PPAT: variants seen among roughly 807,000 people sequenced by gnomAD.
PPAT encodes phosphoribosyl pyrophosphate amidotransferase.
Under a neutral mutation model 60.2 loss-of-function variants are expected in PPAT, and 20 were observed. That is an observed-to-expected ratio of 0.33 (90% confidence interval 0.23 to 0.48). The LOEUF (loss-of-function observed/expected upper bound fraction) is 0.48, where lower values mean the gene tolerates loss of function less well. Among genes scored for constraint, PPAT ranks in the 20% least tolerant of loss-of-function variants. The pLI is 0.99. For missense variants in PPAT, 349 were observed against 629.6 expected (o/e 0.55, Z 4.77); for synonymous variants, 194 against 215.1 (o/e 0.90, Z 0.86).
intron 1 of PPAT, chr4:56,425,338 C>A: frequency 5.9e-6 from 2 of 340,930 alleles, no homozygotes; most frequent in Non-Finnish European, 8.3e-6. Flanking sequence ...TCATATGAAA[C>A]ACAATACTGA....
intron 1 of PPAT, among the ~76,000 whole-genome samples, chr4:56,415,716 G>T (rs1032247224): frequency 6.6e-6 from 1 of 151,978 alleles, no homozygotes; most frequent in African/African-American, 2.4e-5. Context: ...TACATTACTG[G>T]TATTATTTAG....
intron 3 of PPAT, chr4:56,404,201 C>A: frequency 3.8e-6 from 1 of 262,110 alleles, no homozygotes; most frequent in Middle Eastern, 1.2e-3. Flanking sequence ...GGCAAGCAGA[C>A]CTGAAAGTGG....
intron 1 of PPAT, among the ~76,000 whole-genome samples, chr4:56,426,883 T>C (rs1244646486): frequency 6.6e-6 from 1 of 152,208 alleles, no homozygotes; most frequent in Admixed American, 6.5e-5. Context: ...TCTGTAGCCA[T>C]TAAACAATAA....
At position 56,433,065 on chromosome 4, in the gene PPAT, AG is replaced by A. The variant is rs1286404451; in HGVS notation, c.128+2284del. 2.0e-5 allele frequency among the ~76,000 whole-genome samples: 3 copies of A among 151,424 alleles called. No individual in the cohort carries two copies. The East Asian group carries it at 5.8e-4, about 29-fold the overall frequency. The stretch of plus-strand genomic sequence containing the variant: ...AGTTTTATTCTGGCCCTTATCTATC[AG>A]TTTCGAGCAGCAGATAATTGTATTT... On this transcript the variant is annotated intron_variant, in intron 1 of 10. Transcript: ENST00000264220.
chr4:56,401,350 C>G lies in PPAT; in HGVS notation c.866G>C (p.Arg289Thr). Residue 289 changes from arginine to threonine, a missense_variant, in exon 7 of 11, where the codon AGA (arginine) becomes ACA (threonine). Physicochemically the swap from Arg to Thr is moderately conservative, Grantham distance 71. Transcript: ENST00000264220. ...FCIFEYVYFA[R>T]PDSMFEDQMV... ...CTTACCTTCGAACATACTGTCTGGTCTTGCAAAATAAACATATTCAAAGAT... is the reference window on the plus strand; with the variant it reads ...CTTACCTTCGAACATACTGTCTGGTGTTGCAAAATAAACATATTCAAAGAT... The G allele has an allele frequency of 6.3e-7, 1 of 1,597,640 alleles. No homozygotes were observed. The highest frequency in any genetic ancestry group is 8.5e-7 in the Non-Finnish European group (1 of 1,173,264).
chr4:56,427,942 T>C (rs1222350540), intron 1 of PPAT, among the ~76,000 whole-genome samples: 3 of 152,170 alleles, frequency 2.0e-5, no homozygotes, highest in Non-Finnish European at 2.9e-5. Context: ...AGAAGGAAAA[T>C]GTCTATGCCC....
In PPAT at chr4:56,393,763, G is replaced by A. The variant is rs1364927443; in HGVS notation, c.*1589C>T. On this transcript the variant is annotated 3_prime_UTR_variant, in exon 11 of 11. Transcript: ENST00000264220. ...TGTTTTAAAAATCAAAGTAAGGCCA[G>A]TTCAAAATTGACCCACAGGTCTTGC... The A allele has an allele frequency of 6.6e-6, 1 of 152,600 alleles. No homozygotes were observed. The highest frequency in any genetic ancestry group is 1.9e-4 in the East Asian group (1 of 5,192). The allele number at this position is 152,600 out of a possible 1,614,324, so 9.5% of individuals were successfully genotyped here. A position where few individuals can be genotyped will look rare whatever the true frequency, so the allele number is the denominator to read the frequency against.
chr4:56,407,654 T>A lies in PPAT; in HGVS notation c.191A>T (p.His64Leu), dbSNP rs1459409938. The part of the protein sequence containing the change: ...DGSSVPTFKS[H>L]KGMGLVNHVF... ...TTTCTTAAAGTTCAAATTTACCTTG[T>A]GTGATTTGAATGTTGGCACCGAACT... Residue 64 changes from histidine (H) to leucine (L), a missense_variant, in exon 2 of 11, where the codon CAC becomes CTC. Around this residue, in one of 5 missense-constraint regions of PPAT, gnomAD observed 115 missense variants for 174.5 expected, o/e 0.66. Transcript: ENST00000264220. The A allele has an allele frequency of 2.5e-6, 4 of 1,596,974 alleles. No individual in the cohort carries two copies. The highest frequency in any genetic ancestry group is 8.6e-7 in the Non-Finnish European group (1 of 1,164,270).
At position 56,403,218 on chromosome 4, in the gene PPAT, T is replaced by C. The variant is rs1195859691; in HGVS notation, c.516-33A>G. 9 of 1,598,670 alleles carry C rather than the reference T, an allele frequency of 5.6e-6. No individual in the cohort carries two copies. In the African/African-American group the frequency reaches 1.2e-4, roughly 22 times the overall value. ...TAATTAAATAATTGAATGAATAACT[T>C]CAGTTATAAACATATGCAAGGCAAA... On this transcript the variant is annotated intron_variant, in intron 4 of 10. Coordinates refer to ENST00000264220, the MANE Select transcript of PPAT (RefSeq NM_002703.5).
chr4:56,409,058 T>C lies in PPAT; in HGVS notation c.129-1342A>G, dbSNP rs536867484. Among the ~76,000 whole-genome samples, 129 of 152,352 alleles carry C rather than the reference T, an allele frequency of 8.5e-4. 1 individual carries two copies. Among genetic ancestry groups the C allele is most frequent in the African/African-American group, 3.1e-3 (127 of 41,584 alleles). ...GGTGAGACATCCTCAAACTTGGTGC[T>C]TGAATAAACTCTCTCTAAATTAGAT... On this transcript the variant is annotated intron_variant, in intron 1 of 10. Coordinates refer to ENST00000264220, the MANE Select transcript of PPAT (RefSeq NM_002703.5).
chr4:56,401,835 T>A (rs1371106958), intron 6 of PPAT, among the ~76,000 whole-genome samples: 1 of 152,160 alleles, frequency 6.6e-6, no homozygotes, highest in African/African-American at 2.4e-5. Context: ...TCTATTTTCA[T>A]ATTGTACTGT....
chr4:56,434,391 C>T (rs1520026), intron 1 of PPAT, among the ~76,000 whole-genome samples: 32,389 of 152,124 alleles, frequency 0.21, 3,924 homozygotes, highest in East Asian at 0.39. Flanking sequence ...AAGTTGTTAC[C>T]ACTGTATTGC....
intron 3 of PPAT, among the ~76,000 whole-genome samples, chr4:56,405,232 C>A (rs1716216472): frequency 6.6e-6 from 1 of 152,140 alleles, no homozygotes; most frequent in South Asian, 2.1e-4. Context: ...TTCCCATATT[C>A]TAGTTTCCTG....
At chr4:56,425,402 A>G in intron 1 of PPAT, 1 of 926,450 alleles carries the variant, frequency 1.1e-6, no homozygotes, top group South Asian at 5.0e-5. Flanking sequence ...ACTTATTACT[A>G]AAACTTCAGA....
intron 1 of PPAT, among the ~76,000 whole-genome samples, chr4:56,429,801 C>G (rs1482851667): frequency 1.3e-5 from 2 of 152,186 alleles, no homozygotes; most frequent in Non-Finnish European, 2.9e-5. Flanking sequence ...CCTTCCGCCC[C>G]CATAAACATT....
intron 8 of PPAT, 77 bp from the exon 9 acceptor site, chr4:56,399,477 G>A (rs528051686): frequency 3.2e-5 from 34 of 1,073,316 alleles, no homozygotes; most frequent in South Asian, 1.1e-4. Context: ...TTGTGTTGCC[G>A]CCACAATATT....
chr4:56,415,955 A>C (rs1716707719), intron 1 of PPAT, among the ~76,000 whole-genome samples: 1 of 152,062 alleles, frequency 6.6e-6, no homozygotes, highest in African/African-American at 2.4e-5. Context: ...CTGTAATCCC[A>C]GCTACTCATA....
chr4:56,422,467 T>G (rs1365949787), intron 1 of PPAT: 2 of 38,578 alleles, frequency 5.2e-5, no homozygotes, highest in Admixed American at 4.8e-4. Flanking sequence ...AATATTCTGG[T>G]TTTTTTTTTT....
At chr4:56,427,877 T>C (rs776848047) in intron 1 of PPAT, among the ~76,000 whole-genome samples, 8 of 152,184 alleles carry the variant, frequency 5.3e-5, no homozygotes, top group South Asian at 2.1e-4. Flanking sequence ...ATCTCTATTG[T>C]GTATTACCTA....
Sources: allele counts gnomAD v4.1 joint callset (sites outside exome capture counted in the v4.1 genomes callset), GRCh38; gene constraint gnomAD v4.1.1; regional missense constraint gnomAD v4.1.1; transcripts MANE v1.5; gene names NCBI Gene and HGNC (gene_info 2026-07-23, HGNC 2026-07-21).